GPC6: variants seen among roughly 807,000 people sequenced by gnomAD.
The protein encoded by GPC6 is glypican-6.
A neutral mutation model predicts 55.2 loss-of-function variants in GPC6; 14 were observed. The observed-to-expected ratio is 0.25, with a 90% CI of 0.17 to 0.40. GPC6 has a LOEUF of 0.40. GPC6 is among the 10% of genes least tolerant of loss of function. GPC6 has a pLI of 1.00. For synonymous variants in GPC6, 278 were observed against 259.6 expected, an observed-to-expected ratio of 1.07 and a Z score of -0.68; for missense variants, 641 against 708.5, an observed-to-expected ratio of 0.90 and a Z score of 1.08.
chr13:93,259,770 G>A (rs964616589), intron 1 of GPC6, among the ~76,000 whole-genome samples: 1 of 151,998 alleles, frequency 6.6e-6, no homozygotes, highest in Non-Finnish European at 1.5e-5. Context: ...TGGATAAGCT[G>A]ATTGTTTCCC....
At position 93,545,374 on chromosome 13, in the gene GPC6, G is replaced by A. The variant is rs1396742483; in HGVS notation, c.272G>A (p.Ser91Asn). ...TTTGAAAACCTTGTGGAAGAGACAAGCCATTTTGTGCGCACCACTTTTGTG... is the reference window on the plus strand; with the variant it reads ...TTTGAAAACCTTGTGGAAGAGACAAACCATTTTGTGCGCACCACTTTTGTG... ...LEFENLVEET[S>N]HFVRTTFVSR... The change falls in exon 2 of 9, where the codon AGC becomes AAC. Residue 91 changes from serine to asparagine, a missense_variant. Ser to Asn is a conservative substitution (Grantham distance 46). Coordinates refer to ENST00000377047, the MANE Select transcript of GPC6 (RefSeq NM_005708.5). The A allele has an allele frequency of 4.3e-6, 7 of 1,613,904 alleles. No homozygotes were observed. The South Asian group carries it at 7.7e-5, about 18-fold the overall frequency.
intron 4 of GPC6, among the ~76,000 whole-genome samples, chr13:94,074,570 C>T (rs185497629): frequency 3.4e-4 from 52 of 152,318 alleles, no homozygotes; most frequent in African/African-American, 1.1e-3. Context: ...GTACCCATGA[C>T]TTCAGATAGA....
rs115491256 is a variant in GPC6, at chr13:94,349,378, C to T, written c.1153-33036C>T. Among the ~76,000 whole-genome samples, 893 of 152,248 alleles carry T rather than the reference C, an allele frequency of 5.9e-3. 9 individuals are homozygous for T. Among genetic ancestry groups the T allele is most frequent in the African/African-American group, 0.02 (851 of 41,528 alleles). ...ACTCCCTACTCATCCCTTTTGGTTTCAGCTTCTTCATCTCCAACTTTTTTT... is the reference window on the plus strand; with the variant it reads ...ACTCCCTACTCATCCCTTTTGGTTTTAGCTTCTTCATCTCCAACTTTTTTT... On this transcript the variant is annotated intron_variant, in intron 6 of 8. Coordinates refer to ENST00000377047, the MANE Select transcript of GPC6 (RefSeq NM_005708.5).
At chr13:93,593,467 TG>T (rs1198576240) in intron 2 of GPC6, among the ~76,000 whole-genome samples, 5 of 152,184 alleles carry the variant, frequency 3.3e-5, no homozygotes, top group African/African-American at 1.2e-4. Flanking sequence ...ATTTGTTGAA[TG>T]TAAGTTATTC....
chr13:94,288,380 A>T (rs1025949345), intron 5 of GPC6, among the ~76,000 whole-genome samples: 10 of 152,004 alleles, frequency 6.6e-5, no homozygotes, highest in African/African-American at 2.4e-4. Context: ...CCAGTAGCCA[A>T]AGTATTTCTA....
intron 2 of GPC6, among the ~76,000 whole-genome samples, chr13:93,578,462 A>G (rs1354543488): frequency 1.3e-5 from 2 of 151,710 alleles, no homozygotes; most frequent in African/African-American, 4.8e-5. Context: ...TTTTCTTCTC[A>G]GTTTTCAAAT....
intron 1 of GPC6, among the ~76,000 whole-genome samples, chr13:93,277,243 G>A (rs1877789324): frequency 6.6e-6 from 1 of 152,206 alleles, no homozygotes; most frequent in Admixed American, 6.5e-5. Context: ...TGGGTTTAGT[G>A]CTGGTTTTAC....
At chr13:93,539,483 G>A (rs1167541991) in intron 1 of GPC6, among the ~76,000 whole-genome samples, 1 of 152,114 alleles carries the variant, frequency 6.6e-6, no homozygotes, top group Non-Finnish European at 1.5e-5. Flanking sequence ...TAGGATATGG[G>A]TTTTGGTTGT....
At chr13:94,114,868 TG>T (rs1886378459) in intron 4 of GPC6, among the ~76,000 whole-genome samples, 2 of 152,132 alleles carry the variant, frequency 1.3e-5, no homozygotes, top group Non-Finnish European at 2.9e-5. Context: ...ATGGTAGTAC[TG>T]TTTTTTTTTC....
chr13:93,663,185 A>C, intron 2 of GPC6, among the ~76,000 whole-genome samples: 1 of 152,004 alleles, frequency 6.6e-6, no homozygotes, highest in East Asian at 1.9e-4. Flanking sequence ...GCCTCCTATG[A>C]CTTATTATAA....
intron 4 of GPC6, among the ~76,000 whole-genome samples, chr13:94,258,250 T>C (rs1273171551): frequency 6.6e-6 from 1 of 152,228 alleles, no homozygotes; most frequent in African/African-American, 2.4e-5. Flanking sequence ...TGACTGCATT[T>C]TTCTGACCAC....
chr13:94,116,467 A>G (rs1417115574), intron 4 of GPC6, among the ~76,000 whole-genome samples: 1 of 152,108 alleles, frequency 6.6e-6, no homozygotes, highest in Non-Finnish European at 1.5e-5. Flanking sequence ...GCCCCTGAAC[A>G]CATTGAGCTT....
chr13:94,287,123 AG>A, intron 5 of GPC6, among the ~76,000 whole-genome samples: 1 of 152,288 alleles, frequency 6.6e-6, no homozygotes, highest in Non-Finnish European at 1.5e-5. Flanking sequence ...GAAGATAAAC[AG>A]GACCCGCCTT....
At chr13:93,563,450 TACAA>T (rs777260736) in intron 2 of GPC6, among the ~76,000 whole-genome samples, 14 of 151,286 alleles carry the variant, frequency 9.3e-5, no homozygotes, top group Non-Finnish European at 1.3e-4. Context: ...TGCACACAGA[TACAA>T]ATGACCCTTG....
chr13:93,279,347 A>G (rs1261927187), intron 1 of GPC6, among the ~76,000 whole-genome samples: 2 of 152,330 alleles, frequency 1.3e-5, no homozygotes, highest in African/African-American at 4.8e-5. Flanking sequence ...GATATTCTAG[A>G]AGACAGTAAG....
chr13:93,217,427 A>G, the GPC6 span, among the ~76,000 whole-genome samples: 1 of 152,212 alleles, frequency 6.6e-6, no homozygotes, highest in Non-Finnish European at 1.5e-5. Flanking sequence ...TGTGTGCCCC[A>G]GAGAATCATG....
chr13:94,055,149 A>G (rs1023116073), intron 4 of GPC6, among the ~76,000 whole-genome samples: 1 of 152,220 alleles, frequency 6.6e-6, no homozygotes, highest in Non-Finnish European at 1.5e-5. Context: ...CCCCACACCT[A>G]GGTGAGAGAA....
chr13:93,582,516 A>G (rs754687068), intron 2 of GPC6, among the ~76,000 whole-genome samples: 22 of 152,256 alleles, frequency 1.4e-4, no homozygotes, highest in Non-Finnish European at 2.8e-4. Context: ...CTAGATTATT[A>G]AAAGGCTACA....
chr13:94,252,434 C>T lies in GPC6; in HGVS notation c.878-33915C>T, dbSNP rs531657806. ...TCTCATATTTATTTTGTCATGATTA[C>T]GCAATAAAAGGGGATTTTTATTATG... On this transcript the variant is annotated intron_variant, in intron 4 of 8. Coordinates refer to ENST00000377047, the MANE Select transcript of GPC6 (RefSeq NM_005708.5). 2.3e-4 allele frequency among the ~76,000 whole-genome samples: 35 copies of T among 152,164 alleles called. No individual in the cohort carries two copies. The Middle Eastern group carries it at 0.01, about 45-fold the overall frequency.
Sources: gnomAD v4.1 joint callset for allele counts (sites outside exome capture counted in the v4.1 genomes callset) on GRCh38, gnomAD v4.1.1 for gene constraint, MANE v1.5 for transcripts, NCBI Gene and HGNC (gene_info 2026-07-23, HGNC 2026-07-21) for gene names.